Variants in LBR observed in about 807,000 individuals in gnomAD.
The protein encoded by LBR is delta(14)-sterol reductase LBR.
LBR carries 28 observed loss-of-function variants against 74.3 expected under a neutral mutation model. The observed-to-expected ratio is 0.38, with a 90% confidence interval of 0.28 to 0.52. The LOEUF (loss-of-function observed/expected upper bound fraction) is 0.52, where lower values mean the gene tolerates loss of function less well. Among genes scored for constraint, LBR ranks in the 20% least tolerant of loss-of-function variants. LBR has a pLI of 0.89. For missense variants in LBR, 717 were observed against 760.3 expected, an observed-to-expected ratio of 0.94 and a Z score of 0.67; for synonymous variants, 228 against 269.3, an observed-to-expected ratio of 0.85 and a Z score of 1.50.
chr1:225,407,979 A>G (rs2096095996), intron 10 of LBR, among the ~76,000 whole-genome samples: 1 of 152,166 alleles, frequency 6.6e-6, no homozygotes, highest in Non-Finnish European at 1.5e-5. Context: ...ATATATAGTA[A>G]TCCAATCAAG....
At position 225,423,998 on chromosome 1, in the gene LBR, T is replaced by C. The variant is rs2096133944; in HGVS notation, c.78A>G (p.Glu26=). The C allele has an allele frequency of 1.2e-6, 2 of 1,614,006 alleles. No homozygotes were observed. The highest frequency in any genetic ancestry group is 2.7e-5 in the African/African-American group (2 of 74,942). The change falls in exon 2 of 14, where the codon GAA becomes GAG. Residue 26 remains glutamate (E), a synonymous_variant. Transcript: ENST00000272163. ...WPGSSLYYEV[E]ILSHDSTSQL... ...GGGAGGTGCTGTCGTGGCTCAGAAT[T>C]TCTACTTCATAATAAAGTGAACTCC... is the stretch of plus-strand genomic sequence containing the variant.
In LBR at chr1:225,415,260, T is replaced by C; in HGVS notation, c.892+18A>G. 6.5e-7 allele frequency: 1 copy of C among 1,530,208 alleles called. No individual in the cohort carries two copies. The highest frequency in any genetic ancestry group is 9.0e-7 in the Non-Finnish European group (1 of 1,109,720). The allele number at this position is 1,530,208 out of a possible 1,614,324, so 94.8% of individuals were successfully genotyped here. A position where few individuals can be genotyped will look rare whatever the true frequency, so the allele number is the denominator to read the frequency against. On this transcript the variant is annotated intron_variant, in intron 7 of 13. Coordinates refer to ENST00000272163, the MANE Select transcript of LBR (RefSeq NM_002296.4). ...AGCTATCAAATCATCAATTTGAGTCTTAAAAAAAGAAAATCACCATTTAAT... is the reference window on the plus strand; with the variant it reads ...AGCTATCAAATCATCAATTTGAGTCCTAAAAAAAGAAAATCACCATTTAAT...
intron 2 of LBR, among the ~76,000 whole-genome samples, chr1:225,423,396 G>A (rs1017087250): frequency 7.2e-5 from 11 of 152,010 alleles, no homozygotes; most frequent in African/African-American, 2.7e-4. Context: ...AAACCCTTGG[G>A]CATGGAATAT....
Position 225,404,543 on chromosome 1 carries a change from G to A in LBR, c.1565-17C>T, listed in dbSNP as rs182899853. On this transcript the variant is annotated splice_polypyrimidine_tract_variant and intron_variant, in intron 12 of 13. Coordinates refer to ENST00000272163, the MANE Select transcript of LBR (RefSeq NM_002296.4). The stretch of plus-strand genomic sequence containing the variant: ...TTTTTAAATCTATATAAAAATAAAA[G>A]TACATTTTTAATGATGTCGAGACAA... The A allele has an allele frequency of 1.3e-6, 2 of 1,583,766 alleles. No individual in the cohort carries two copies. Among genetic ancestry groups the A allele is most frequent in the African/African-American group, 2.7e-5 (2 of 73,076 alleles).
chr1:225,409,207 C>T (rs1214318012), intron 10 of LBR, among the ~76,000 whole-genome samples: 1 of 152,190 alleles, frequency 6.6e-6, no homozygotes, highest in African/African-American at 2.4e-5. Flanking sequence ...AGCTCTGAGC[C>T]AGGGTCTGTG....
intron 10 of LBR, 112 bp downstream of exon 10, chr1:225,410,179 G>T: frequency 6.6e-7 from 1 of 1,519,134 alleles, no homozygotes; most frequent in Non-Finnish European, 9.0e-7. Context: ...AAGCAGCCTT[G>T]GAGGCAGGCC....
chr1:225,403,834 C>T (rs1463171695), intron 13 of LBR, among the ~76,000 whole-genome samples: 1 of 151,970 alleles, frequency 6.6e-6, no homozygotes, highest in East Asian at 1.9e-4. Context: ...GCTCCTCCAC[C>T]TCCACCAGCT....
At chr1:225,412,229 C>T (rs1437964877) in intron 8 of LBR, among the ~76,000 whole-genome samples, 1 of 152,016 alleles carries the variant, frequency 6.6e-6, no homozygotes, top group African/African-American at 2.4e-5. Context: ...CATCAAGCAA[C>T]TGCAAAAAAA....
Position 225,415,304 on chromosome 1 carries a change from C to T in LBR, c.866G>A (p.Gly289Glu), listed in dbSNP as rs148541545. The change falls in exon 7 of 14, where the codon GGA becomes GAA. Residue 289 changes from glycine to glutamate, a missense_variant. Coordinates refer to ENST00000272163, the MANE Select transcript of LBR (RefSeq NM_002296.4). ...KVVEGTPLID[G>E]RRLKYRLNGF... ...ATTTAATCTATACTTGAGTCTTCTT[C>T]CATCAATAAGAGGCGTTCCTTCTAC... 3.2e-4 allele frequency: 506 copies of T among 1,594,924 alleles called. 1 individual carries two copies. The African/African-American group carries it at 6.0e-3, about 19-fold the overall frequency.
rs528846487 is a variant in LBR, at chr1:225,401,951, C to T, written c.*1352G>A. 2.0e-5 allele frequency: 3 copies of T among 152,292 alleles called. No individual in the cohort carries two copies. The highest frequency in any genetic ancestry group is 2.9e-5 in the Non-Finnish European group (2 of 68,030). The allele number at this position is 152,292 out of a possible 1,614,324, so 9.4% of individuals were successfully genotyped here. ...ATATATAAAATGTGTAATTAAAACC[C>T]AAACATACACACTATGTTTATTACA... On this transcript the variant is annotated 3_prime_UTR_variant, in exon 14 of 14. Coordinates refer to ENST00000272163, the MANE Select transcript of LBR (RefSeq NM_002296.4).
At chr1:225,424,110 A>C in intron 1 of LBR, 21 bp from the exon 2 acceptor site, 1 of 1,580,912 alleles carries the variant, frequency 6.3e-7, no homozygotes, top group Non-Finnish European at 8.7e-7. Context: ...TTAAAGAAAA[A>C]AATTTGAGTC....
At chr1:225,428,482 C>A (rs1314246967), upstream of LBR, among the ~76,000 whole-genome samples, 3 of 152,036 alleles carry the variant, frequency 2.0e-5, no homozygotes, top group Non-Finnish European at 4.4e-5. Flanking sequence ...AAGTGATCAC[C>A]AAAGATCCGA....
rs747674311 is a variant in LBR at position 225,406,829 on chromosome 1, C to G, written c.1318G>C (p.Ala440Pro). 2 of 1,613,958 alleles carry G rather than the reference C, an allele frequency of 1.2e-6. No homozygotes were observed. The highest frequency in any genetic ancestry group is 1.7e-6 in the Non-Finnish European group (2 of 1,179,952). ...ATGATGTCCATGGTCGTCAACAACG[C>G]TTCCTATAAGGATACAGACGGGGAA... is the stretch of plus-strand genomic sequence containing the variant. Reference protein sequence around the residue: ...YVVDALWNEEALLTTMDIIHD... With the variant: ...YVVDALWNEEPLLTTMDIIHD... Residue 440 changes from alanine (A) to proline (P), a missense_variant, in exon 11 of 14, where the codon GCG (alanine) becomes CCG (proline). By Grantham distance (27) the Ala-to-Pro change is conservative. Transcript: ENST00000272163.
chr1:225,407,847 T>C (rs745424310), intron 10 of LBR, among the ~76,000 whole-genome samples: 7 of 152,076 alleles, frequency 4.6e-5, no homozygotes, highest in Non-Finnish European at 8.8e-5. Context: ...TCTCACAAAA[T>C]CTAGCTCCTT....
Position 225,416,899 on chromosome 1 carries a change from C to A in LBR, c.837+1085G>T, listed in dbSNP as rs763450470. ...GTTATATGCAAATACTATACTATTTCTTATCAGGGCCTTCAGCATCCTCAG... is the reference window on the plus strand; with the variant it reads ...GTTATATGCAAATACTATACTATTTATTATCAGGGCCTTCAGCATCCTCAG... On this transcript the variant is annotated intron_variant, in intron 6 of 13. Coordinates refer to ENST00000272163, the MANE Select transcript of LBR (RefSeq NM_002296.4). 9.5e-4 allele frequency among the ~76,000 whole-genome samples: 144 copies of A among 152,268 alleles called. 1 individual carries two copies. The highest frequency in any genetic ancestry group is 3.3e-3 in the South Asian group (16 of 4,822).
intron 1 of LBR, among the ~76,000 whole-genome samples, chr1:225,426,548 C>T (rs2096139435): frequency 6.6e-6 from 1 of 152,238 alleles, no homozygotes; most frequent in Non-Finnish European, 1.5e-5. Flanking sequence ...AATCCTCACA[C>T]ATTCCAGCTC....
intron 3 of LBR, among the ~76,000 whole-genome samples, chr1:225,421,579 T>C (rs1438937356): frequency 1.3e-5 from 2 of 152,256 alleles, no homozygotes; most frequent in Non-Finnish European, 2.9e-5. Context: ...ACATACTTTG[T>C]CTTTGGTCTA....
Position 225,418,146 on chromosome 1 carries a change from G to T in LBR, c.675C>A (p.Phe225Leu). ...TACACATCAACAGCAACAGGAAGAG[G>T]AACACAGGCAGGCCAAACATGATGA... ...VFLIMFGLPV[F>L]LFLLLLMCKQ... The change falls in exon 6 of 14, where the codon TTC becomes TTA. Residue 225 changes from phenylalanine to leucine, a missense_variant. By Grantham distance (22) the Phe-to-Leu change is conservative. Coordinates refer to ENST00000272163, the MANE Select transcript of LBR (RefSeq NM_002296.4). 1 of 1,614,028 alleles carries T rather than the reference G, an allele frequency of 6.2e-7. No individual in the cohort carries two copies. The highest frequency in any genetic ancestry group is 8.5e-7 in the Non-Finnish European group (1 of 1,179,974).
intron 1 of LBR, among the ~76,000 whole-genome samples, chr1:225,425,222 T>TG (rs148205384): frequency 0.025 from 3,635 of 146,120 alleles, 160 homozygotes; most frequent in African/African-American, 0.085. Context: ...AGTGGGAGAG[T>TG]GGGGGGGGAG....
Sources: gnomAD v4.1 joint callset for allele counts (sites outside exome capture counted in the v4.1 genomes callset) on GRCh38, gnomAD v4.1.1 for gene constraint, MANE v1.5 for transcripts, NCBI Gene and HGNC (gene_info 2026-07-23, HGNC 2026-07-21) for gene names.